The following GRK3 variants were observed in gnomAD, a reference collection of about 807,000 sequenced individuals.
The protein encoded by GRK3 is G protein-coupled receptor kinase 3, also known as adrenergic, beta, receptor kinase 2.
GRK3 carries 54 observed loss-of-function variants against 95.7 expected under a neutral mutation model. The observed-to-expected ratio is 0.56, with a 90% CI of 0.45 to 0.71. The LOEUF (loss-of-function observed/expected upper bound fraction) is 0.71, where lower values mean the gene tolerates loss of function less well. GRK3 is among the 30% of genes least tolerant of loss of function. The pLI is 0.00. For missense variants in GRK3, 649 were observed against 851.2 expected (o/e 0.76, Z 2.96); for synonymous variants, 281 against 290.8 (o/e 0.97, Z 0.34).
At chr22:25,588,990 C>T (rs773152482) in intron 1 of GRK3, among the ~76,000 whole-genome samples, 17 of 152,156 alleles carry the variant, frequency 1.1e-4, no homozygotes, top group East Asian at 7.7e-4. Flanking sequence ...AGGCAGTTCT[C>T]GAACTCCTGG....
rs117011640 is a variant in GRK3, at chr22:25,647,705, C to T, written c.264+3040C>T. The T allele has an allele frequency of 6.4e-5, 86 of 1,340,906 alleles. No individual in the cohort carries two copies. In the East Asian group the frequency reaches 1.5e-3, roughly 23 times the overall value. The allele number at this position is 1,340,906 out of a possible 1,614,324, so 83.1% of individuals were successfully genotyped here. ...GGTTATATCCTGAGCAGTTATGTAG[C>T]GCCTGCAGATTCCATTCAGGCAGAA... On this transcript the variant is annotated intron_variant, in intron 3 of 20. Coordinates refer to ENST00000324198, the MANE Select transcript of GRK3 (RefSeq NM_005160.4).
intron 12 of GRK3, among the ~76,000 whole-genome samples, chr22:25,692,051 C>A (rs146904087): frequency 4.9e-4 from 75 of 152,258 alleles, no homozygotes; most frequent in African/African-American, 1.8e-3. Flanking sequence ...GCAGCCTCCC[C>A]CTCCCGGGCC....
intron 1 of GRK3, among the ~76,000 whole-genome samples, chr22:25,577,501 G>C (rs1159064074): frequency 6.6e-6 from 1 of 152,144 alleles, no homozygotes; most frequent in Admixed American, 6.5e-5. Context: ...TGTTAAACTT[G>C]GCACTCATTA....
chr22:25,722,414 G>A lies in GRK3; in HGVS notation c.2031G>A (p.Lys677=). Residue 677 remains lysine, a synonymous_variant, in exon 21 of 21, where the codon AAG becomes AAA. Transcript: ENST00000324198. ...KPRSGTVELP[K]PSLCHRNSNG... is the part of the protein sequence containing the mutation. ...GGTCAGGTACTGTGGAGCTCCCAAA[G>A]CCATCCCTCTGTCACAGAAACAGCA... The A allele has an allele frequency of 6.2e-7, 1 of 1,614,140 alleles. No individual in the cohort carries two copies. The highest frequency in any genetic ancestry group is 1.1e-5 in the South Asian group (1 of 91,088).
intron 1 of GRK3, among the ~76,000 whole-genome samples, chr22:25,582,497 A>G (rs74805376): frequency 0.013 from 1,975 of 152,342 alleles, 23 homozygotes; most frequent in Middle Eastern, 0.041. Context: ...TTCAAATGAG[A>G]ATCATTCCAA....
At chr22:25,611,831 CTTTT>C (rs752711382) in intron 2 of GRK3, among the ~76,000 whole-genome samples, 1 of 118,774 alleles carries the variant, frequency 8.4e-6, no homozygotes, top group Non-Finnish European at 1.8e-5. Context: ...AGTTTAGTGT[CTTTT>C]TTTTTTTTTT....
chr22:25,640,076 A>G (rs944282321), intron 2 of GRK3, among the ~76,000 whole-genome samples: 1 of 152,190 alleles, frequency 6.6e-6, no homozygotes, highest in East Asian at 1.9e-4. Context: ...AGGATTTGCC[A>G]GGTAGGTAAC....
chr22:25,675,692 T>A (rs149233313), intron 8 of GRK3, among the ~76,000 whole-genome samples: 6 of 152,338 alleles, frequency 3.9e-5, no homozygotes, highest in African/African-American at 1.4e-4. Context: ...CAGCCTCTGC[T>A]CAGGCACTTC....
At chr22:25,579,364 C>T (rs1005102072) in intron 1 of GRK3, among the ~76,000 whole-genome samples, 2 of 151,530 alleles carry the variant, frequency 1.3e-5, no homozygotes, top group Admixed American at 6.6e-5. Context: ...CAAGGCTGGT[C>T]GAGAATTCTT....
At chr22:25,648,191 C>T in intron 3 of GRK3, 1 of 736,450 alleles carries the variant, frequency 1.4e-6, no homozygotes, top group Non-Finnish European at 2.5e-6. Context: ...CTTATTCCCT[C>T]TCTATTCGTG....
At chr22:25,623,545 G>T (rs897616843) in intron 2 of GRK3, among the ~76,000 whole-genome samples, 21 of 152,320 alleles carry the variant, frequency 1.4e-4, no homozygotes, top group African/African-American at 4.8e-4. Flanking sequence ...AGTGTAATGT[G>T]TTGCCCTTGC....
intron 1 of GRK3, among the ~76,000 whole-genome samples, chr22:25,587,607 T>A (rs909353922): frequency 6.6e-6 from 1 of 151,898 alleles, no homozygotes; most frequent in African/African-American, 2.4e-5. Flanking sequence ...TTTTTTATAG[T>A]TTTGGTAGAG....
At chr22:25,569,752 G>C (rs182449222) in intron 1 of GRK3, among the ~76,000 whole-genome samples, 1 of 152,194 alleles carries the variant, frequency 6.6e-6, no homozygotes. Flanking sequence ...GAAGTTTAAC[G>C]TCCATGATGT....
intron 1 of GRK3, among the ~76,000 whole-genome samples, chr22:25,574,853 A>T (rs1931836139): frequency 6.6e-6 from 1 of 152,140 alleles, no homozygotes; most frequent in Non-Finnish European, 1.5e-5. Context: ...AGCGTGCAAA[A>T]TTTCTGTGCT....
intron 3 of GRK3, among the ~76,000 whole-genome samples, chr22:25,645,686 G>T (rs1196183728): frequency 3.3e-5 from 5 of 152,150 alleles, no homozygotes; most frequent in African/African-American, 1.2e-4. Flanking sequence ...ACTTTGGGAG[G>T]CCGAGGCGGG....
chr22:25,589,891 G>A (rs1317228482), intron 1 of GRK3, among the ~76,000 whole-genome samples: 6 of 151,978 alleles, frequency 3.9e-5, no homozygotes, highest in Admixed American at 6.6e-5. Context: ...GCAAGAGAGT[G>A]TGTGCAGGGG....
chr22:25,585,513 TACAC>T (rs1210475432), intron 1 of GRK3, among the ~76,000 whole-genome samples: 7 of 152,190 alleles, frequency 4.6e-5, no homozygotes, highest in African/African-American at 1.4e-4. Context: ...ATTATACACA[TACAC>T]ACACAGGCAA....
At chr22:25,695,257 A>G (rs1201423069) in intron 13 of GRK3, 43 bp downstream of exon 13, 1 of 1,396,890 alleles carries the variant, frequency 7.2e-7, no homozygotes, top group Non-Finnish European at 1.0e-6. Flanking sequence ...TCATGGCAGC[A>G]GGAGCTTGGA....
intron 1 of GRK3, among the ~76,000 whole-genome samples, chr22:25,601,135 A>G (rs1208216684): frequency 6.6e-6 from 1 of 152,192 alleles, no homozygotes; most frequent in Non-Finnish European, 1.5e-5. Flanking sequence ...ATATAGAAAA[A>G]TCTAAGCAAC....
Sources: gnomAD v4.1 joint callset for allele counts (sites outside exome capture counted in the v4.1 genomes callset) on GRCh38, gnomAD v4.1.1 for gene constraint, MANE v1.5 for transcripts, NCBI Gene and HGNC (gene_info 2026-07-23, HGNC 2026-07-21) for gene names.